NR2F1-AS1: variants seen among roughly 807,000 people sequenced by gnomAD.
The protein encoded by NR2F1-AS1 is NR2F1 antisense RNA 1.
At chr5:93,464,234 A>G (rs1295782274) in intron 4 of NR2F1-AS1, among the ~76,000 whole-genome samples, 4 of 151,998 alleles carry the variant, frequency 2.6e-5, no homozygotes, top group Non-Finnish European at 5.9e-5. Context: ...TAAAAAGGGG[A>G]GTTTCACTGC....
At chr5:93,549,744 C>T (rs569000543) in intron 4 of NR2F1-AS1, among the ~76,000 whole-genome samples, 18 of 152,080 alleles carry the variant, frequency 1.2e-4, no homozygotes, top group East Asian at 1.9e-4. Flanking sequence ...CATTAAAGAG[C>T]GCCCATTTTC....
At chr5:93,583,577 T>A (rs1441692827), upstream of NR2F1-AS1, 1 of 152,024 alleles carries the variant, frequency 6.6e-6, no homozygotes, top group East Asian at 1.9e-4. Context: ...GTATTCTTCT[T>A]ATCGTTATTT....
intron 4 of NR2F1-AS1, among the ~76,000 whole-genome samples, chr5:93,452,063 G>C (rs1749842616): frequency 6.6e-6 from 1 of 151,926 alleles, no homozygotes; most frequent in Admixed American, 6.6e-5. Flanking sequence ...CAATTATAAA[G>C]ATAACTGAGA....
At chr5:93,464,238 T>G (rs1368992685) in intron 4 of NR2F1-AS1, among the ~76,000 whole-genome samples, 4 of 152,196 alleles carry the variant, frequency 2.6e-5, no homozygotes, top group African/African-American at 7.2e-5. Context: ...AAGGGGAGTT[T>G]CACTGCACAA....
At chr5:93,585,269 G>A, upstream of NR2F1-AS1, 2 of 1,594,094 alleles carry the variant, frequency 1.3e-6, no homozygotes, top group Non-Finnish European at 8.5e-7. Flanking sequence ...AGAGCCAGCA[G>A]CACATCGAGT....
At chr5:93,498,520 AC>A (rs1260015223) in intron 4 of NR2F1-AS1, among the ~76,000 whole-genome samples, 1 of 152,166 alleles carries the variant, frequency 6.6e-6, no homozygotes, top group African/African-American at 2.4e-5. Flanking sequence ...TATGACTTAT[AC>A]ACTTCCAAGC....
intron 4 of NR2F1-AS1, among the ~76,000 whole-genome samples, chr5:93,468,607 T>C (rs1412155721): frequency 6.6e-6 from 1 of 152,224 alleles, no homozygotes; most frequent in African/African-American, 2.4e-5. Context: ...GTCTGTTCAC[T>C]CTGATGATAG....
At chr5:93,581,961 GTC>G (rs1244167231), upstream of NR2F1-AS1, among the ~76,000 whole-genome samples, 4 of 60,072 alleles carry the variant, frequency 6.7e-5, no homozygotes, top group African/African-American at 1.4e-4. Flanking sequence ...CTCTCTCTGG[GTC>G]TCTCTCTCTC....
chr5:93,476,627 C>T (rs1260475977), intron 4 of NR2F1-AS1, among the ~76,000 whole-genome samples: 1 of 152,162 alleles, frequency 6.6e-6, no homozygotes, highest in Non-Finnish European at 1.5e-5. Flanking sequence ...ATATCCCATA[C>T]ATCAGCTGCT....
intron 4 of NR2F1-AS1, among the ~76,000 whole-genome samples, chr5:93,485,257 A>C (rs992604976): frequency 6.6e-6 from 1 of 151,944 alleles, no homozygotes; most frequent in African/African-American, 2.4e-5. Flanking sequence ...AAATCATAAC[A>C]GTCTTCCAGA....
chr5:93,488,379 T>G (rs1302892774), intron 4 of NR2F1-AS1, among the ~76,000 whole-genome samples: 2 of 152,014 alleles, frequency 1.3e-5, no homozygotes, highest in Non-Finnish European at 2.9e-5. Context: ...ACAAGGAACT[T>G]AAACAAATTT....
At chr5:93,548,286 C>G (rs1752136471) in intron 4 of NR2F1-AS1, among the ~76,000 whole-genome samples, 1 of 150,920 alleles carries the variant, frequency 6.6e-6, no homozygotes, top group Non-Finnish European at 1.5e-5. Context: ...TTTATGTGGT[C>G]AAAAAAAAAT....
At chr5:93,509,473 G>C (rs1185150287) in intron 4 of NR2F1-AS1, among the ~76,000 whole-genome samples, 1 of 151,948 alleles carries the variant, frequency 6.6e-6, no homozygotes, top group Non-Finnish European at 1.5e-5. Flanking sequence ...TACTGGTAGA[G>C]CAGGTATATA....
At chr5:93,578,804 TA>T (rs1752954452) in intron 1 of NR2F1-AS1, among the ~76,000 whole-genome samples, 1 of 152,248 alleles carries the variant, frequency 6.6e-6, no homozygotes, top group South Asian at 2.1e-4. Context: ...TTGGGGGATC[TA>T]AGTACTCTCG....
At chr5:93,495,630 A>G (rs1456051358) in intron 4 of NR2F1-AS1, among the ~76,000 whole-genome samples, 1 of 151,378 alleles carries the variant, frequency 6.6e-6, no homozygotes, top group African/African-American at 2.4e-5. Context: ...CTCTATTTGG[A>G]AAAAAAAATT....
At chr5:93,522,508 T>C (rs1751522728) in intron 4 of NR2F1-AS1, among the ~76,000 whole-genome samples, 1 of 152,228 alleles carries the variant, frequency 6.6e-6, no homozygotes, top group Admixed American at 6.5e-5. Flanking sequence ...AATTTTTATT[T>C]TCCACTTAGT....
At chr5:93,420,957 T>A (rs772630460) in intron 4 of NR2F1-AS1, among the ~76,000 whole-genome samples, 9 of 152,200 alleles carry the variant, frequency 5.9e-5, no homozygotes, top group Non-Finnish European at 1.2e-4. Flanking sequence ...CTTAGATTAG[T>A]ATTGATATGT....
chr5:93,453,453 G>T (rs1225512824), intron 4 of NR2F1-AS1, among the ~76,000 whole-genome samples: 3 of 151,804 alleles, frequency 2.0e-5, no homozygotes, highest in Admixed American at 6.6e-5. Context: ...ATCAGCTCAA[G>T]AAATTCTGAG....
chr5:93,549,851 AACT>A (rs1274560844), intron 4 of NR2F1-AS1, among the ~76,000 whole-genome samples: 2 of 152,160 alleles, frequency 1.3e-5, no homozygotes, highest in African/African-American at 4.8e-5. Context: ...ATTCTCAGCA[AACT>A]AACACAGGAA....
Sources: gnomAD v4.1 joint callset for allele counts (sites outside exome capture counted in the v4.1 genomes callset) on GRCh38, gnomAD v4.1.1 for gene constraint, MANE v1.5 for transcripts, NCBI Gene and HGNC (gene_info 2026-07-23, HGNC 2026-07-21) for gene names.